SLC4A7: variants seen among roughly 807,000 people sequenced by gnomAD.
The protein encoded by SLC4A7 is solute carrier family 4 member 7, also known as sodium bicarbonate cotransporter 3.
Under a neutral mutation model 137.6 loss-of-function variants are expected in SLC4A7, and 51 were observed. That is an observed-to-expected ratio of 0.37 (90% CI 0.30 to 0.47). The LOEUF is 0.47. Ranked by LOEUF, SLC4A7 falls within the 20% of genes least tolerant of loss-of-function variation. SLC4A7 has a pLI of 1.00. For synonymous variants in SLC4A7, 542 were observed against 518.6 expected, an observed-to-expected ratio of 1.05 and a Z score of -0.61; for missense variants, 1,247 against 1,525.4, an observed-to-expected ratio of 0.82 and a Z score of 3.04.
At chr3:27,399,669 C>T (rs113870501) in intron 16 of SLC4A7, among the ~76,000 whole-genome samples, 1,628 of 152,262 alleles carry the variant, frequency 0.011, 10 homozygotes, top group South Asian at 0.02. Flanking sequence ...TGGCCTCTAG[C>T]AATACTCCTG....
At chr3:27,453,368 A>C (rs1367054833) in intron 1 of SLC4A7, among the ~76,000 whole-genome samples, 2 of 152,220 alleles carry the variant, frequency 1.3e-5, no homozygotes, top group Non-Finnish European at 2.9e-5. Flanking sequence ...TAATTGGATC[A>C]CTTTGGGAGG....
chr3:27,385,729 C>G (rs1030509210), intron 23 of SLC4A7, among the ~76,000 whole-genome samples, 163 bp downstream of exon 23: 17 of 152,052 alleles, frequency 1.1e-4, no homozygotes, highest in African/African-American at 4.1e-4. Context: ...CCTGCTTCCT[C>G]ATTTATAAAA....
At chr3:27,405,825 G>C (rs1430683112) in intron 13 of SLC4A7, among the ~76,000 whole-genome samples, 1 of 152,064 alleles carries the variant, frequency 6.6e-6, no homozygotes, top group Non-Finnish European at 1.5e-5. Context: ...AGTTTGGCAA[G>C]AAAAGATAGA....
intron 7 of SLC4A7, among the ~76,000 whole-genome samples, chr3:27,425,344 T>G (rs1298099943): frequency 8.7e-6 from 1 of 114,704 alleles, no homozygotes; most frequent in Admixed American, 1.2e-4. Flanking sequence ...CACTCCAGCC[T>G]GGGCAACGAG....
At chr3:27,414,790 C>G (rs967363442) in intron 11 of SLC4A7, among the ~76,000 whole-genome samples, 7 of 152,186 alleles carry the variant, frequency 4.6e-5, no homozygotes, top group African/African-American at 1.7e-4. Flanking sequence ...GTGGTGTTTA[C>G]TAGTTTTTGA....
intron 11 of SLC4A7, among the ~76,000 whole-genome samples, chr3:27,417,932 T>C (rs1301977630): frequency 2.0e-5 from 3 of 152,226 alleles, no homozygotes; most frequent in Non-Finnish European, 2.9e-5. Flanking sequence ...GAGGGAATTC[T>C]GGTAATATCT....
intron 15 of SLC4A7, 121 bp downstream of exon 15, chr3:27,403,018 A>C: frequency 1.2e-6 from 1 of 831,120 alleles, no homozygotes; most frequent in Non-Finnish European, 1.8e-6. Context: ...TCACTATCAC[A>C]TGGCTAGTTA....
At chr3:27,462,976 A>C (rs1030140542) in intron 1 of SLC4A7, among the ~76,000 whole-genome samples, 1 of 152,236 alleles carries the variant, frequency 6.6e-6, no homozygotes, top group Non-Finnish European at 1.5e-5. Context: ...GTCCCATGCA[A>C]CAGATGTCGG....
intron 23 of SLC4A7, among the ~76,000 whole-genome samples, chr3:27,385,492 T>G (rs951054848): frequency 1.3e-5 from 2 of 152,150 alleles, no homozygotes; most frequent in African/African-American, 4.8e-5. Flanking sequence ...ATGCTAAAAT[T>G]TATGTTAAAT....
Position 27,431,514 on chromosome 3 carries a change from C to A in SLC4A7, c.934G>T (p.Val312Leu). The change falls in exon 7 of 26, where the codon GTA becomes TTA. Residue 312 changes from valine to leucine, a missense_variant. By Grantham distance (32) the Val-to-Leu change is conservative. This residue lies in a region of SLC4A7 where 223 missense variants were observed against 203.6 expected (regional missense o/e 1.10). Transcript: ENST00000454389. ...TPAGSRCTTP[V>L]PTPQNSPPSS... Reference sequence around the variant, plus strand: ...GGAGGACTGTTTTGAGGGGTGGGTACTGGGGTTGTACACCTTGAGCCTGCA... The same window carrying A: ...GGAGGACTGTTTTGAGGGGTGGGTAATGGGGTTGTACACCTTGAGCCTGCA... The A allele has an allele frequency of 6.2e-7, 1 of 1,614,034 alleles. No individual in the cohort carries two copies.
At chr3:27,451,609 T>A (rs1361738670) in intron 2 of SLC4A7, among the ~76,000 whole-genome samples, 1 of 152,096 alleles carries the variant, frequency 6.6e-6, no homozygotes, top group Non-Finnish European at 1.5e-5. Flanking sequence ...GAAACTGGTA[T>A]AGATTAGGAG....
chr3:27,410,687 A>T (rs2053817389), intron 12 of SLC4A7, among the ~76,000 whole-genome samples: 1 of 152,194 alleles, frequency 6.6e-6, no homozygotes, highest in Non-Finnish European at 1.5e-5. Context: ...GAGGCCTGAC[A>T]CAGTGCTTCT....
Position 27,431,651 on chromosome 3 carries a change from G to T in SLC4A7, c.797C>A (p.Ser266Tyr). The change falls in exon 7 of 26, where the codon TCC becomes TAC. Residue 266 changes from serine (S) to tyrosine (Y), a missense_variant. Transcript: ENST00000454389. ...LERNGEGLSA[S>Y]RHSLRTGLSA... is the part of the protein sequence containing the mutation. ...CAGACCTGTTCGCAAAGAGTGGCGG[G>T]AGGCTGAAAGGCCTTCCCCTGAGAT... 1.9e-6 allele frequency: 3 copies of T among 1,580,402 alleles called. No homozygotes were observed. The highest frequency in any genetic ancestry group is 2.6e-6 in the Non-Finnish European group (3 of 1,162,614).
chr3:27,426,844 T>C (rs903948572), intron 7 of SLC4A7, among the ~76,000 whole-genome samples: 11 of 152,148 alleles, frequency 7.2e-5, no homozygotes, highest in African/African-American at 2.2e-4. Flanking sequence ...AAAGTCTCCC[T>C]GCTCCTATAA....
At position 27,484,190 on chromosome 3, in the gene SLC4A7, C is replaced by A; in HGVS notation, c.-64G>T. On this transcript the variant is annotated 5_prime_UTR_variant, in exon 1 of 26. Transcript: ENST00000454389. ...CCCCGCGCGGTCTGCCTGCTTCTGC[C>A]GCTGCCCCTGCCGCCGCCGCCGAGC... is the stretch of plus-strand genomic sequence containing the variant. The A allele has an allele frequency of 8.3e-7, 1 of 1,202,502 alleles. No individual in the cohort carries two copies. The highest frequency in any genetic ancestry group is 3.3e-5 in the South Asian group (1 of 30,048). The allele number at this position is 1,202,502 out of a possible 1,614,324, so 74.5% of individuals were successfully genotyped here.
intron 14 of SLC4A7, 108 bp from the exon 15 acceptor site, chr3:27,403,492 AAG>A (rs2053003005): frequency 1.5e-6 from 1 of 654,632 alleles, no homozygotes; most frequent in East Asian, 2.7e-5. Context: ...CGATTCCTAA[AAG>A]AGAATGAATT....
intron 3 of SLC4A7, among the ~76,000 whole-genome samples, chr3:27,440,294 C>A (rs2057085425): frequency 6.6e-6 from 1 of 152,136 alleles, no homozygotes; most frequent in South Asian, 2.1e-4. Flanking sequence ...GGGTCAGGAT[C>A]CCTTCCTGAC....
At chr3:27,471,852 G>A (rs1460292392) in intron 1 of SLC4A7, among the ~76,000 whole-genome samples, 1 of 152,154 alleles carries the variant, frequency 6.6e-6, no homozygotes, top group Non-Finnish European at 1.5e-5. Context: ...CTAACCAACA[G>A]ACCCAACAAA....
intron 1 of SLC4A7, among the ~76,000 whole-genome samples, chr3:27,473,213 C>G (rs1399193106): frequency 6.6e-6 from 1 of 152,020 alleles, no homozygotes. Flanking sequence ...GCCAGAGGAC[C>G]ACTTGAGCCC....
Sources: gnomAD v4.1 joint callset for allele counts (sites outside exome capture counted in the v4.1 genomes callset) on GRCh38, gnomAD v4.1.1 for gene constraint, gnomAD v4.1.1 regional missense constraint, MANE v1.5 for transcripts, NCBI Gene and HGNC (gene_info 2026-07-23, HGNC 2026-07-21) for gene names.